TRPC4: variants seen among roughly 807,000 people sequenced by gnomAD.
The protein encoded by TRPC4 is short transient receptor potential channel 4.
In TRPC4, 49 loss-of-function variants were observed where a neutral mutation model predicts 99.4. That is an observed-to-expected ratio of 0.49 (90% CI 0.39 to 0.63). The LOEUF is 0.63. Ranked by LOEUF, TRPC4 falls within the 20% of genes least tolerant of loss-of-function variation. The pLI, the probability that TRPC4 is intolerant of heterozygous loss-of-function variation, is 0.00. For synonymous variants in TRPC4, 454 were observed against 425.9 expected (o/e 1.07, Z -0.81); for missense variants, 898 against 1,152.9 (o/e 0.78, Z 3.20).
At chr13:37,663,766 A>G in intron 5 of TRPC4, 37 bp from the exon 6 acceptor site, 4 of 1,533,966 alleles carry the variant, frequency 2.6e-6, no homozygotes, top group Non-Finnish European at 3.5e-6. Context: ...AAGTAAAACA[A>G]ACACACGCAT....
chr13:37,820,376 G>A (rs1352337298), intron 1 of TRPC4, among the ~76,000 whole-genome samples: 1 of 151,802 alleles, frequency 6.6e-6, no homozygotes, highest in Non-Finnish European at 1.5e-5. Flanking sequence ...TAAAGAAATA[G>A]TACCATTCCT....
At chr13:37,824,737 T>C (rs916002666) in intron 1 of TRPC4, among the ~76,000 whole-genome samples, 4 of 152,340 alleles carry the variant, frequency 2.6e-5, no homozygotes, top group Admixed American at 2.0e-4. Flanking sequence ...AAATTCTCTT[T>C]TTGGTTGTGT....
At chr13:37,841,037 G>C (rs781037909) in intron 1 of TRPC4, among the ~76,000 whole-genome samples, 32 of 151,700 alleles carry the variant, frequency 2.1e-4, no homozygotes, top group Non-Finnish European at 3.8e-4. Context: ...TTATATTATT[G>C]GTTAAAACTG....
At chr13:37,806,025 AAG>A (rs1957521643) in intron 1 of TRPC4, among the ~76,000 whole-genome samples, 1 of 152,152 alleles carries the variant, frequency 6.6e-6, no homozygotes, top group South Asian at 2.1e-4. Flanking sequence ...AACCCAGAGA[AAG>A]AGGAGTAAGT....
chr13:37,669,266 G>C (rs1408892763), intron 5 of TRPC4, among the ~76,000 whole-genome samples: 1 of 152,074 alleles, frequency 6.6e-6, no homozygotes, highest in Non-Finnish European at 1.5e-5. Context: ...AATATGAGAA[G>C]TGTTACATAC....
At chr13:37,813,424 CAATA>C (rs1316989351) in intron 1 of TRPC4, among the ~76,000 whole-genome samples, 2 of 150,582 alleles carry the variant, frequency 1.3e-5, no homozygotes, top group African/African-American at 4.9e-5. Flanking sequence ...AACAGAGAAA[CAATA>C]GGAAGAATCA....
intron 1 of TRPC4, among the ~76,000 whole-genome samples, chr13:37,786,371 G>C (rs1956971357): frequency 6.7e-6 from 1 of 150,172 alleles, no homozygotes; most frequent in Non-Finnish European, 1.5e-5. Context: ...CAACTTTGAT[G>C]GCTAAAACCT....
At chr13:37,854,923 T>C (rs1959146160) in intron 1 of TRPC4, 1 of 151,958 alleles carries the variant, frequency 6.6e-6, no homozygotes, top group South Asian at 2.1e-4. Context: ...CTGTTTAGCT[T>C]CCAAGATCAG....
intron 3 of TRPC4, among the ~76,000 whole-genome samples, chr13:37,740,268 G>T (rs1175400550): frequency 6.6e-6 from 1 of 152,114 alleles, no homozygotes; most frequent in Non-Finnish European, 1.5e-5. Flanking sequence ...AGCACAAAAT[G>T]GCATCTTGCT....
At chr13:37,847,223 C>G (rs960958610) in intron 1 of TRPC4, among the ~76,000 whole-genome samples, 1 of 152,024 alleles carries the variant, frequency 6.6e-6, no homozygotes. Context: ...TTCTACTCAA[C>G]AGCAACAGGA....
intron 1 of TRPC4, among the ~76,000 whole-genome samples, chr13:37,817,477 T>A (rs560806341): frequency 1.3e-5 from 2 of 152,092 alleles, no homozygotes; most frequent in South Asian, 4.1e-4. Context: ...TCAATGCTAT[T>A]CCTATTATAC....
intron 1 of TRPC4, among the ~76,000 whole-genome samples, chr13:37,837,083 G>A (rs1958586519): frequency 6.6e-6 from 1 of 152,334 alleles, no homozygotes; most frequent in South Asian, 2.1e-4. Flanking sequence ...GCTTTCCAGT[G>A]CACAGAAGTC....
At position 37,651,609 on chromosome 13, in the gene TRPC4, A is replaced by G. The variant is rs138049231; in HGVS notation, c.1885-150T>C. Reference sequence around the variant, plus strand: ...CCACCACTGACTCCCAGAGACAGTCATCTAAACATTTCAGAGGGTGGCTTA... The same window carrying G: ...CCACCACTGACTCCCAGAGACAGTCGTCTAAACATTTCAGAGGGTGGCTTA... On this transcript the variant is annotated intron_variant, in intron 7 of 10. Transcript: ENST00000379705. 2.1e-4 allele frequency: 143 copies of G among 692,270 alleles called. No homozygotes were observed. In the East Asian group the frequency reaches 3.7e-3, roughly 18 times the overall value. 42.9% of individuals were successfully genotyped at this position (692,270 alleles called of 1,614,324 possible). A position where few individuals can be genotyped will look rare whatever the true frequency, so the allele number is the denominator to read the frequency against.
chr13:37,698,167 C>CTGTTTTTTTTTTTTTTTTTTTTT (rs1953981365), intron 3 of TRPC4, among the ~76,000 whole-genome samples: 1 of 42,556 alleles, frequency 2.3e-5, no homozygotes, highest in African/African-American at 1.0e-4. Flanking sequence ...AAGGACTAAC[C>CTGTTTTTTTTTTTTTTTTTTTTT]TTTTTTTTTT....
intron 1 of TRPC4, among the ~76,000 whole-genome samples, chr13:37,862,628 G>T (rs1833278180): frequency 6.6e-6 from 1 of 151,594 alleles, no homozygotes; most frequent in South Asian, 2.1e-4. Flanking sequence ...GAGTTGTCAT[G>T]GGAAAGGATC....
intron 2 of TRPC4, 61 bp from the exon 3 acceptor site, chr13:37,746,516 C>A (rs1955787426): frequency 4.6e-6 from 7 of 1,509,778 alleles, no homozygotes; most frequent in Non-Finnish European, 6.2e-6. Flanking sequence ...CTGTGAATTT[C>A]ATACACCATG....
chr13:37,650,612 T>TACACACACACACACACAC (rs57068516), intron 8 of TRPC4, among the ~76,000 whole-genome samples: 1,980 of 140,438 alleles, frequency 0.014, 15 homozygotes, highest in African/African-American at 0.026. Flanking sequence ...TCTCTCTCTA[T>TACACACACACACACACAC]ACACACACAC....
chr13:37,821,739 C>A (rs1958017481), intron 1 of TRPC4, among the ~76,000 whole-genome samples: 1 of 152,132 alleles, frequency 6.6e-6, no homozygotes, highest in African/African-American at 2.4e-5. Context: ...ATAAATGATG[C>A]TGGGATAACT....
chr13:37,712,357 G>C (rs1447671773), intron 3 of TRPC4, among the ~76,000 whole-genome samples: 1 of 151,984 alleles, frequency 6.6e-6, no homozygotes. Context: ...ATTCAATAAC[G>C]GAGATCTCCA....
Sources: gnomAD v4.1 joint callset for allele counts (sites outside exome capture counted in the v4.1 genomes callset) on GRCh38, gnomAD v4.1.1 for gene constraint, MANE v1.5 for transcripts, NCBI Gene and HGNC (gene_info 2026-07-23, HGNC 2026-07-21) for gene names.